The following UIMC1 variants were observed in gnomAD, a reference collection of about 807,000 sequenced individuals.
UIMC1 encodes BRCA1-A complex subunit RAP80.
A neutral mutation model predicts 84.9 loss-of-function variants in UIMC1; 42 were observed. The observed-to-expected ratio is 0.49, with a 90% CI of 0.39 to 0.64. The LOEUF (loss-of-function observed/expected upper bound fraction) is 0.64. UIMC1 is among the 30% of genes least tolerant of loss of function. UIMC1 has a pLI of 0.00. For synonymous variants in UIMC1, 281 were observed against 293.0 expected, an observed-to-expected ratio of 0.96 and a Z score of 0.42; for missense variants, 825 against 847.6, an observed-to-expected ratio of 0.97 and a Z score of 0.33.
At chr5:176,934,774 A>G (rs894160595) in intron 10 of UIMC1, among the ~76,000 whole-genome samples, 2 of 152,216 alleles carry the variant, frequency 1.3e-5, no homozygotes, top group Non-Finnish European at 2.9e-5. Context: ...GGCCTATCAG[A>G]GTCTTCCTCT....
intron 10 of UIMC1, among the ~76,000 whole-genome samples, chr5:176,915,793 CAAAAAAAAAAAA>C (rs58297107): frequency 1.9e-3 from 82 of 42,656 alleles, no homozygotes; most frequent in African/African-American, 6.7e-3. Flanking sequence ...GGTCACAAAG[CAAAAAAAAAAAA>C]AAAAAAAAAG....
At chr5:177,009,884 A>G (rs548991105), upstream of UIMC1, among the ~76,000 whole-genome samples, 2 of 152,240 alleles carry the variant, frequency 1.3e-5, no homozygotes, top group East Asian at 3.9e-4. The surrounding 1 kb of genome is among the most constrained non-coding windows in gnomAD (Gnocchi z 4.3). Flanking sequence ...AAAATACAAA[A>G]ATTAGCTGGG....
intron 2 of UIMC1, 117 bp downstream of exon 2, chr5:176,982,352 T>G: frequency 1.7e-6 from 2 of 1,204,078 alleles, no homozygotes; most frequent in Non-Finnish European, 2.3e-6. Flanking sequence ...TGAGTAAAAA[T>G]TTCATGGTTT....
intron 10 of UIMC1, among the ~76,000 whole-genome samples, chr5:176,927,764 CA>C (rs531137158): frequency 7.0e-6 from 1 of 142,446 alleles, no homozygotes; most frequent in Non-Finnish European, 1.5e-5. Flanking sequence ...TGGCCTGTTT[CA>C]AAAAAAAACA....
At chr5:176,963,428 G>A (rs1767845454) in intron 6 of UIMC1, among the ~76,000 whole-genome samples, 1 of 151,722 alleles carries the variant, frequency 6.6e-6, no homozygotes, top group Admixed American at 6.6e-5. Flanking sequence ...GGCTGAAGCA[G>A]GAGAATCACT....
chr5:176,955,175 T>C (rs1245171639), intron 8 of UIMC1, among the ~76,000 whole-genome samples: 2 of 152,234 alleles, frequency 1.3e-5, no homozygotes, highest in South Asian at 2.1e-4. Flanking sequence ...GTTTCTTAGA[T>C]GGTAAGTATC....
intron 10 of UIMC1, among the ~76,000 whole-genome samples, chr5:176,941,449 C>G (rs1764419290): frequency 6.6e-6 from 1 of 152,124 alleles, no homozygotes; most frequent in East Asian, 1.9e-4. Context: ...ACATGTACTA[C>G]TTTATAATCA....
At chr5:176,964,900 A>T (rs1474628733) in intron 6 of UIMC1, among the ~76,000 whole-genome samples, 1 of 152,212 alleles carries the variant, frequency 6.6e-6, no homozygotes, top group African/African-American at 2.4e-5. Context: ...AATGGGCCAT[A>T]AATCCTTTCC....
chr5:177,010,254 G>A (rs993883605), upstream of UIMC1, among the ~76,000 whole-genome samples: 1 of 152,092 alleles, frequency 6.6e-6, no homozygotes, highest in Non-Finnish European at 1.5e-5. Flanking sequence ...GTATCATCAC[G>A]CATAGACCTC....
intron 10 of UIMC1, among the ~76,000 whole-genome samples, chr5:176,934,449 G>A (rs1462282917): frequency 3.3e-5 from 5 of 152,150 alleles, no homozygotes; most frequent in Non-Finnish European, 7.3e-5. Flanking sequence ...GAAGCCTAGA[G>A]ATGCAACGGG....
At chr5:176,912,094 TTCC>T (rs1339394830) in intron 10 of UIMC1, among the ~76,000 whole-genome samples, 1 of 152,240 alleles carries the variant, frequency 6.6e-6, no homozygotes, top group Non-Finnish European at 1.5e-5. Flanking sequence ...TCTGCCTTCT[TTCC>T]TCCTAACACC....
At chr5:176,994,016 A>G (rs554636257) in intron 1 of UIMC1, among the ~76,000 whole-genome samples, 245 of 152,090 alleles carry the variant, frequency 1.6e-3, no homozygotes, top group African/African-American at 5.7e-3. Context: ...CTCAAAAAAA[A>G]AAAAAAAGAA....
At chr5:176,953,363 T>A (rs1167044174) in intron 8 of UIMC1, among the ~76,000 whole-genome samples, 1 of 152,198 alleles carries the variant, frequency 6.6e-6, no homozygotes, top group African/African-American at 2.4e-5. Context: ...AAACAATAAA[T>A]GGCCAATGTC....
intron 12 of UIMC1, 36 bp from the exon 13 acceptor site, chr5:176,907,213 A>G: frequency 2.5e-6 from 4 of 1,589,306 alleles, no homozygotes; most frequent in Non-Finnish European, 3.4e-6. Context: ...AGGTTACTTC[A>G]TGTCAGAGTC....
chr5:176,916,462 C>A (rs1471642665), intron 10 of UIMC1, among the ~76,000 whole-genome samples: 1 of 152,216 alleles, frequency 6.6e-6, no homozygotes, highest in Non-Finnish European at 1.5e-5. Context: ...AGGGCACTCA[C>A]TGGCTTTAGA....
At chr5:176,996,977 A>G (rs1773700018) in intron 1 of UIMC1, among the ~76,000 whole-genome samples, 1 of 152,084 alleles carries the variant, frequency 6.6e-6, no homozygotes. Flanking sequence ...AGAGACCACA[A>G]TAGGCCCAAG....
rs137955830 is a variant in UIMC1 at position 176,953,495 on chromosome 5, T to TACACACACACACACACACACACACAC, written c.1340-1944_1340-1919dup. ...CAAATTTTTTTGAAAACTGGACACA[T>TACACACACACACACACACACACACAC]ACACACACACACACACACACACACA... On this transcript the variant is annotated intron_variant, in intron 8 of 14. Transcript: ENST00000511320. Among the ~76,000 whole-genome samples, 816 of 136,934 alleles carry TACACACACACACACACACACACACAC rather than the reference T, an allele frequency of 6.0e-3. 17 individuals carry two copies. The highest frequency in any genetic ancestry group is 0.016 in the African/African-American group (569 of 35,890). The allele number at this position is 136,934 out of a possible 152,430, so 89.8% of individuals were successfully genotyped here.
chr5:176,968,805 T>C lies in UIMC1; in HGVS notation c.950A>G (p.Lys317Arg). The change falls in exon 6 of 15, where the codon AAA becomes AGA. Residue 317 changes from lysine to arginine, a missense_variant. Physicochemically the swap from Lys to Arg is conservative, Grantham distance 26. Transcript: ENST00000511320. ...LKMAQRQLLNKKGFGEPVLPR... is the reference protein window; with the variant it reads ...LKMAQRQLLNRKGFGEPVLPR... ...TAACACTGGTTCCCCAAAACCTTTT[T>C]TATTAAGGAGCTGCCTCTGAGCCAT... 5 of 1,614,216 alleles carry C rather than the reference T, an allele frequency of 3.1e-6. No homozygotes were observed. The highest frequency in any genetic ancestry group is 3.4e-6 in the Non-Finnish European group (4 of 1,180,034).
intron 10 of UIMC1, 28 bp from the exon 11 acceptor site, chr5:176,911,417 A>G: frequency 4.2e-6 from 6 of 1,431,048 alleles, no homozygotes; most frequent in Non-Finnish European, 4.6e-6. Flanking sequence ...ATATATATAT[A>G]CACATAGTTA....
Sources: gnomAD v4.1 joint callset for allele counts (sites outside exome capture counted in the v4.1 genomes callset) on GRCh38, gnomAD v4.1.1 for gene constraint, Gnocchi (gnomAD v3.1) non-coding constraint, MANE v1.5 for transcripts, NCBI Gene and HGNC (gene_info 2026-07-23, HGNC 2026-07-21) for gene names.